Variants in IRAK4 observed in about 807,000 individuals in gnomAD.
IRAK4 encodes interleukin 1 receptor associated kinase 4.
Under a neutral mutation model 51.8 loss-of-function variants are expected in IRAK4, and 44 were observed. The observed-to-expected ratio is 0.85, with a 90% CI of 0.67 to 1.09. The LOEUF is 1.09. IRAK4 is among the 50% of genes least tolerant of loss of function. The pLI is 0.00. For synonymous variants in IRAK4, 149 were observed against 174.1 expected (o/e 0.86, Z 1.13); for missense variants, 487 against 538.0 (o/e 0.91, Z 0.94).
intron 1 of IRAK4, among the ~76,000 whole-genome samples, chr12:43,761,786 G>A (rs1405576656): frequency 2.0e-5 from 3 of 152,102 alleles, no homozygotes; most frequent in African/African-American, 7.2e-5. Context: ...CAGTACTTTG[G>A]GAAGGCATTG....
Position 43,786,435 on chromosome 12 carries a change from A to C in IRAK4, c.1225A>C (p.Thr409Pro). 6.2e-7 allele frequency: 1 copy of C among 1,601,890 alleles called. No individual in the cohort carries two copies. Among genetic ancestry groups the C allele is most frequent in the Non-Finnish European group, 8.5e-7 (1 of 1,174,510 alleles). Residue 409 changes from threonine (T) to proline (P), a missense_variant, in exon 11 of 12, where the codon ACA (threonine) becomes CCA (proline). By Grantham distance (38) the Thr-to-Pro change is conservative (BLOSUM62 -1). Transcript: ENST00000613694. ...IKEEIEDEEKTIEDYIDKKMN... is the reference protein window; with the variant it reads ...IKEEIEDEEKPIEDYIDKKMN... ...AGAAGAAATTGAAGATGAAGAAAAGACAATTGAAGATTATATTGATAAAAA... is the reference window on the plus strand; with the variant it reads ...AGAAGAAATTGAAGATGAAGAAAAGCCAATTGAAGATTATATTGATAAAAA...
chr12:43,771,123 T>A lies in IRAK4; in HGVS notation c.162-97T>A. ...CAGAACCGTGAGCCAAATTAACTAT[T>A]ATTTATAAATTACCCTGTCTGTGGT... is the stretch of plus-strand genomic sequence containing the variant. On this transcript the variant is annotated intron_variant, in intron 2 of 11. Coordinates refer to ENST00000613694, the MANE Select transcript of IRAK4 (RefSeq NM_016123.4). The A allele has an allele frequency of 3.7e-6, 4 of 1,085,234 alleles. No homozygotes were observed. The South Asian group carries it at 5.3e-5, about 14-fold the overall frequency. The allele number at this position is 1,085,234 out of a possible 1,614,324, so 67.2% of individuals were successfully genotyped here.
At chr12:43,763,676 C>A (rs931613636) in intron 1 of IRAK4, among the ~76,000 whole-genome samples, 5 of 151,860 alleles carry the variant, frequency 3.3e-5, no homozygotes, top group African/African-American at 4.8e-5. Flanking sequence ...TGCATGCTCT[C>A]CTCCCTCTCT....
intron 2 of IRAK4, chr12:43,770,997 C>T (rs972158263): frequency 8.8e-6 from 6 of 679,026 alleles, no homozygotes; most frequent in Admixed American, 2.0e-5. Flanking sequence ...TTCACATGCA[C>T]GTGTGCATGC....
intron 10 of IRAK4, among the ~76,000 whole-genome samples, chr12:43,785,638 T>G (rs376963114): frequency 6.9e-6 from 1 of 145,446 alleles, no homozygotes; most frequent in Admixed American, 6.9e-5. Context: ...ATATATATAT[T>G]TATATATATA....
At chr12:43,783,832 T>C in intron 10 of IRAK4, 108 bp downstream of exon 10, 2 of 749,202 alleles carry the variant, frequency 2.7e-6, no homozygotes, top group Non-Finnish European at 2.3e-6. Context: ...TGGCAATCTT[T>C]CCATTGGCTA....
chr12:43,782,342 A>T lies in IRAK4; in HGVS notation c.977A>T (p.Lys326Ile). 6.2e-7 allele frequency: 1 copy of T among 1,613,790 alleles called. No individual in the cohort carries two copies. The highest frequency in any genetic ancestry group is 8.5e-7 in the Non-Finnish European group (1 of 1,179,718). The stretch of plus-strand genomic sequence containing the variant: ...TTACTGGATGAAGCTTTTACTGCTA[A>T]AATATCTGACTTTGGCCTTGCACGG... ...NILLDEAFTA[K>I]ISDFGLARAS... is the part of the protein sequence containing the mutation. The change falls in exon 9 of 12, where the codon AAA (lysine) becomes ATA (isoleucine). Residue 326 changes from lysine (K) to isoleucine (I), a missense_variant. Lys to Ile is a moderately radical substitution (Grantham distance 102). Transcript: ENST00000613694.
At position 43,771,229 on chromosome 12, in the gene IRAK4, A is replaced by C; in HGVS notation, c.171A>C (p.Glu57Asp). Residue 57 changes from glutamate (E) to aspartate (D), a missense_variant, in exon 3 of 12, where the codon GAA becomes GAC. Glu to Asp is a conservative substitution (Grantham distance 45, BLOSUM62 2). Coordinates refer to ENST00000613694, the MANE Select transcript of IRAK4 (RefSeq NM_016123.4). Reference protein sequence around the residue: ...RYNQFHIRRFEALLQTGKSPT... With the variant: ...RYNQFHIRRFDALLQTGKSPT... ...GTTACTTACTTTTAAGGAGATTTGA[A>C]GCATTACTTCAAACTGGAAAAAGTC... is the stretch of plus-strand genomic sequence containing the variant. 1 of 1,613,788 alleles carries C rather than the reference A, an allele frequency of 6.2e-7. No homozygotes were observed. The highest frequency in any genetic ancestry group is 8.5e-7 in the Non-Finnish European group (1 of 1,179,736).
chr12:43,772,844 T>G, intron 4 of IRAK4, 68 bp from the exon 5 acceptor site: 1 of 1,150,878 alleles, frequency 8.7e-7, no homozygotes, highest in Non-Finnish European at 1.2e-6. Flanking sequence ...AATCTTCAAA[T>G]GAGAAAATAT....
At chr12:43,781,353 A>G (rs906215437) in intron 8 of IRAK4, among the ~76,000 whole-genome samples, 1 of 152,222 alleles carries the variant, frequency 6.6e-6, no homozygotes, top group Non-Finnish European at 1.5e-5. Flanking sequence ...GTCTAATAAC[A>G]TCAGTTTCCT....
At chr12:43,785,389 C>T (rs993701447) in intron 10 of IRAK4, among the ~76,000 whole-genome samples, 1 of 151,540 alleles carries the variant, frequency 6.6e-6, no homozygotes, top group Non-Finnish European at 1.5e-5. Flanking sequence ...ACCTTAGTAC[C>T]CATAGAGAAA....
chr12:43,768,316 A>G lies in IRAK4; in HGVS notation c.161+44A>G, dbSNP rs749292464. 1.8e-5 allele frequency: 26 copies of G among 1,409,610 alleles called. No individual in the cohort carries two copies. In the East Asian group the frequency reaches 5.3e-4, roughly 29 times the overall value. The allele number at this position is 1,409,610 out of a possible 1,614,324, so 87.3% of individuals were successfully genotyped here. A position where few individuals can be genotyped will look rare whatever the true frequency, so the allele number is the denominator to read the frequency against. ...TGTATTTTTAAATTCTTACATCACA[A>G]TATGGAATGATTAATTGGTATAAGT... is the stretch of plus-strand genomic sequence containing the variant. On this transcript the variant is annotated intron_variant, in intron 2 of 11. Transcript: ENST00000613694.
intron 6 of IRAK4, among the ~76,000 whole-genome samples, chr12:43,775,295 C>T (rs1259204902): frequency 6.6e-6 from 1 of 152,094 alleles, no homozygotes; most frequent in Non-Finnish European, 1.5e-5. Flanking sequence ...CTGGAAAATA[C>T]AGGAAAACAT....
intron 1 of IRAK4, among the ~76,000 whole-genome samples, chr12:43,763,607 A>C (rs1317405233): frequency 6.6e-6 from 1 of 152,164 alleles, no homozygotes; most frequent in African/African-American, 2.4e-5. Context: ...TTTGGGGTCT[A>C]CAATAGTTTT....
chr12:43,770,864 C>T (rs1028804541), intron 2 of IRAK4, among the ~76,000 whole-genome samples: 3 of 152,122 alleles, frequency 2.0e-5, no homozygotes, highest in Non-Finnish European at 4.4e-5. Context: ...GAGAGCTTTG[C>T]CCTTATGAGT....
intron 2 of IRAK4, 166 bp from the exon 3 acceptor site, chr12:43,771,054 G>T: frequency 1.4e-6 from 1 of 708,778 alleles, no homozygotes; most frequent in Non-Finnish European, 2.5e-6. Flanking sequence ...TAGCAAGAAG[G>T]CCCTAACCAG....
At chr12:43,781,717 G>A (rs1941793629) in intron 8 of IRAK4, among the ~76,000 whole-genome samples, 1 of 152,216 alleles carries the variant, frequency 6.6e-6, no homozygotes, top group Non-Finnish European at 1.5e-5. Context: ...ATGCCCAGCA[G>A]TGAGCTTAAA....
intron 10 of IRAK4, 51 bp downstream of exon 10, chr12:43,783,775 C>T: frequency 1.6e-6 from 2 of 1,235,734 alleles, no homozygotes; most frequent in Non-Finnish European, 2.4e-6. Context: ...CTTTTGTAGT[C>T]TAAATTTATA....
chr12:43,784,817 C>G (rs1942070574), intron 10 of IRAK4, among the ~76,000 whole-genome samples: 1 of 152,104 alleles, frequency 6.6e-6, no homozygotes. Flanking sequence ...TTCATACAAG[C>G]ACAGTTTTTA....
Sources: allele counts gnomAD v4.1 joint callset (sites outside exome capture counted in the v4.1 genomes callset), GRCh38; gene constraint gnomAD v4.1.1; transcripts MANE v1.5; gene names NCBI Gene and HGNC (gene_info 2026-07-23, HGNC 2026-07-21).